DIAPH2: variants seen among roughly 807,000 people sequenced by gnomAD.
DIAPH2 encodes the protein diaphanous related formin 2.
In DIAPH2, 35 loss-of-function variants were observed where a neutral mutation model predicts 92.7. The observed-to-expected ratio is 0.38, with a 90% CI of 0.29 to 0.50. DIAPH2 has a LOEUF of 0.50. Among genes scored for constraint, DIAPH2 ranks in the 20% least tolerant of loss-of-function variants. The pLI, the probability that DIAPH2 is intolerant of heterozygous loss-of-function variation, is 0.94. For synonymous variants in DIAPH2, 301 were observed against 280.4 expected, an observed-to-expected ratio of 1.07 and a Z score of -0.73; for missense variants, 701 against 819.5, an observed-to-expected ratio of 0.86 and a Z score of 1.77.
At chrX:97,292,248 G>A (rs2068598174) in intron 23 of DIAPH2, among the ~76,000 whole-genome samples, 1 of 109,929 alleles carries the variant, frequency 9.1e-6, no homozygotes, top group African/African-American at 3.3e-5. Flanking sequence ...TGCCCAGGCT[G>A]GTCTAGAACT....
chrX:97,152,753 C>A (rs2067294497), intron 22 of DIAPH2, among the ~76,000 whole-genome samples: 1 of 112,632 alleles, frequency 8.9e-6, no homozygotes, highest in Admixed American at 9.4e-5. Context: ...ATAATCACCT[C>A]TTAAAGGCCC....
rs780653047 is a variant in DIAPH2 at position 97,271,813 on chromosome X, G to GCACACACACA, written c.2844+23999_2844+24008dup. On this transcript the variant is annotated intron_variant, in intron 23 of 26. Coordinates refer to ENST00000324765, the MANE Select transcript of DIAPH2 (RefSeq NM_006729.5). The stretch of plus-strand genomic sequence containing the variant: ...GAGATTGCAATGACTATATATATAT[G>GCACACACACA]CACACACACACACACACACACACAC... Among the ~76,000 whole-genome samples, 146 of 91,552 alleles carry GCACACACACA rather than the reference G, an allele frequency of 1.6e-3. 1 individual carries two copies. The highest frequency in any genetic ancestry group is 6.6e-3 in the Admixed American group (51 of 7,720). 79.5% of individuals were successfully genotyped at this position (91,552 alleles called of 115,157 possible). A position where few individuals can be genotyped will look rare whatever the true frequency, so the allele number is the denominator to read the frequency against.
intron 18 of DIAPH2, among the ~76,000 whole-genome samples, 185 bp from the exon 19 acceptor site, chrX:97,074,982 A>G (rs1440454799): frequency 8.9e-6 from 1 of 112,013 alleles, no homozygotes; most frequent in Non-Finnish European, 1.9e-5. Flanking sequence ...CCGAGAAAAT[A>G]TGCCATTTTG....
At chrX:96,947,257 T>C (rs890281108) in intron 14 of DIAPH2, among the ~76,000 whole-genome samples, 1 of 111,500 alleles carries the variant, frequency 9.0e-6, no homozygotes, top group Non-Finnish European at 1.9e-5. Context: ...AAACCATTTT[T>C]AGAGGAAAAA....
At chrX:96,701,119 G>C (rs2063852871) in intron 1 of DIAPH2, among the ~76,000 whole-genome samples, 1 of 111,452 alleles carries the variant, frequency 9.0e-6, no homozygotes, top group Admixed American at 9.6e-5. Flanking sequence ...AAGGTGACAT[G>C]ATCATTTCAT....
chrX:97,350,445 GC>G (rs899154404), intron 24 of DIAPH2, among the ~76,000 whole-genome samples: 1 of 110,870 alleles, frequency 9.0e-6, no homozygotes, highest in Non-Finnish European at 1.9e-5. Flanking sequence ...TGGTGTACTT[GC>G]CCCCCCATGT....
At chrX:97,571,420 G>A (rs1239047312) in intron 26 of DIAPH2, among the ~76,000 whole-genome samples, 3 of 111,462 alleles carry the variant, frequency 2.7e-5, no homozygotes, top group Non-Finnish European at 3.8e-5. Flanking sequence ...GATTGTCACC[G>A]TTATTGTATA....
chrX:97,111,945 T>C (rs749749243), intron 20 of DIAPH2, among the ~76,000 whole-genome samples: 94 of 112,627 alleles, frequency 8.3e-4, no homozygotes, highest in Admixed American at 1.9e-3. Flanking sequence ...AGTTAATATA[T>C]AAAGCAAATG....
chrX:97,536,784 G>A (rs978546574), intron 26 of DIAPH2, among the ~76,000 whole-genome samples: 9 of 111,312 alleles, frequency 8.1e-5, no homozygotes, highest in Non-Finnish European at 1.7e-4. Flanking sequence ...CAGATTGAGT[G>A]GGATACAATA....
At chrX:97,334,428 A>T in intron 23 of DIAPH2, among the ~76,000 whole-genome samples, 1 of 99,053 alleles carries the variant, frequency 1.0e-5, no homozygotes, top group Non-Finnish European at 2.0e-5. Flanking sequence ...GCGCCACTGC[A>T]CTCCAGTCTG....
Position 97,383,931 on chromosome X carries a change from A to G in DIAPH2, c.3032A>G (p.Lys1011Arg). 8.3e-7 allele frequency: 1 copy of G among 1,202,035 alleles called. No homozygotes were observed. The highest frequency in any genetic ancestry group is 1.7e-5 in the African/African-American group (1 of 57,256). The change falls in exon 25 of 27, where the codon AAG becomes AGG. Residue 1011 changes from lysine (K) to arginine (R), a missense_variant. Physicochemically the swap from Lys to Arg is conservative, Grantham distance 26 (BLOSUM62 2). Transcript: ENST00000324765. ...LFLEAVRENN[K>R]RREMEEKTRR... is the part of the protein sequence containing the mutation. Reference sequence around the variant, plus strand: ...TAGGAAGCAGTGAGAGAAAACAATAAGAGAAGAGAAATGGAAGAGAAGACC... The same window carrying G: ...TAGGAAGCAGTGAGAGAAAACAATAGGAGAAGAGAAATGGAAGAGAAGACC...
In DIAPH2 at chrX:96,850,266, C is replaced by T. The variant is rs757653155; in HGVS notation, c.448-31313C>T. Reference sequence around the variant, plus strand: ...TCTTTATATTTAGTATAGATACAATCTAGAGATAGATTAACTGGCTAGATG... The same window carrying T: ...TCTTTATATTTAGTATAGATACAATTTAGAGATAGATTAACTGGCTAGATG... On this transcript the variant is annotated intron_variant, in intron 4 of 26. Coordinates refer to ENST00000324765, the MANE Select transcript of DIAPH2 (RefSeq NM_006729.5). Among the ~76,000 whole-genome samples, 3 of 111,651 alleles carry T rather than the reference C, an allele frequency of 2.7e-5. No individual in the cohort carries two copies. The South Asian group carries it at 1.1e-3, about 42-fold the overall frequency.
At chrX:96,741,474 ATTTT>A (rs139362386) in intron 3 of DIAPH2, among the ~76,000 whole-genome samples, 4 of 70,120 alleles carry the variant, frequency 5.7e-5, no homozygotes, top group Non-Finnish European at 5.4e-5. Flanking sequence ...TCTCATCTTA[ATTTT>A]TTTTTTTTTT....
chrX:97,015,396 A>T lies in DIAPH2; in HGVS notation c.2050+50189A>T, dbSNP rs761102427. On this transcript the variant is annotated intron_variant, in intron 17 of 26. Coordinates refer to ENST00000324765, the MANE Select transcript of DIAPH2 (RefSeq NM_006729.5). ...GAAGGTCTTGTTTTGATTTTCATTG[A>T]TGCACAATAAAAAGTGACTCAAGTC... 7.2e-5 allele frequency among the ~76,000 whole-genome samples: 8 copies of T among 111,794 alleles called. No individual in the cohort carries two copies. The East Asian group carries it at 8.5e-4, about 12-fold the overall frequency.
chrX:97,009,783 CT>C (rs757395175), intron 17 of DIAPH2, among the ~76,000 whole-genome samples: 12 of 111,889 alleles, frequency 1.1e-4, no homozygotes, highest in African/African-American at 2.9e-4. Context: ...CCCTGTCCTT[CT>C]GTGGCTGAGC....
chrX:97,458,254 T>C (rs138418815), intron 26 of DIAPH2, among the ~76,000 whole-genome samples: 1,412 of 109,904 alleles, frequency 0.013, 29 homozygotes, highest in African/African-American at 0.044. Flanking sequence ...TTTTTTCTTG[T>C]AATTTTCAGG....
intron 26 of DIAPH2, among the ~76,000 whole-genome samples, chrX:97,506,093 G>T (rs934784578): frequency 1.0e-5 from 1 of 96,338 alleles, no homozygotes; most frequent in Non-Finnish European, 2.0e-5. Context: ...CCAAAGAAGA[G>T]TAGCTTCCTT....
At chrX:97,285,383 CAAA>C (rs11336007) in intron 23 of DIAPH2, among the ~76,000 whole-genome samples, 7 of 38,119 alleles carry the variant, frequency 1.8e-4, no homozygotes, top group African/African-American at 4.5e-4. Flanking sequence ...ACTAAAAATA[CAAA>C]AAAAAAAAAA....
At chrX:96,908,596 TTTTG>T (rs1164351077) in intron 5 of DIAPH2, among the ~76,000 whole-genome samples, 3 of 110,925 alleles carry the variant, frequency 2.7e-5, no homozygotes, top group Non-Finnish European at 3.8e-5. Context: ...GATTCCTTTT[TTTTG>T]TTTGTTTGTT....
Sources: gnomAD v4.1 joint callset for allele counts (sites outside exome capture counted in the v4.1 genomes callset) on GRCh38, gnomAD v4.1.1 for gene constraint, MANE v1.5 for transcripts, NCBI Gene and HGNC (gene_info 2026-07-23, HGNC 2026-07-21) for gene names.